The following LY86 variants were observed in gnomAD, a reference collection of about 807,000 sequenced individuals.
LY86 encodes MD-1, RP105-associated.
In LY86, 20 loss-of-function variants were observed where a neutral mutation model predicts 17.3. That is an observed-to-expected ratio of 1.15 (90% CI 0.81 to 1.68). The LOEUF is 1.68. Ranked by LOEUF, LY86 falls within the 40% of genes most tolerant of loss-of-function variation. The pLI is 0.00. For synonymous variants in LY86, 74 were observed against 70.6 expected (o/e 1.05, Z -0.24); for missense variants, 200 against 191.9 (o/e 1.04, Z -0.25).
At chr6:6,623,145 A>G (rs536370401) in intron 1 of LY86, among the ~76,000 whole-genome samples, 2 of 152,360 alleles carry the variant, frequency 1.3e-5, no homozygotes, top group East Asian at 3.9e-4. Flanking sequence ...AATTTGATAT[A>G]GGAAGTTGGT....
At chr6:6,649,484 G>GTGGTCGCCGTATCATT in intron 3 of LY86, 141 bp from the exon 4 acceptor site, 4 of 593,158 alleles carry the variant, frequency 6.7e-6, no homozygotes, top group Non-Finnish European at 1.2e-5. Context: ...TGTAGATCAG[G>GTGGTCGCCGTATCATT]AAATGAAAAC....
intron 1 of LY86, among the ~76,000 whole-genome samples, chr6:6,589,100 AAG>A (rs531548311): frequency 6.6e-6 from 1 of 152,212 alleles, no homozygotes; most frequent in Non-Finnish European, 1.5e-5. Context: ...GAGTACAAGA[AAG>A]AGAAATTGAA....
At chr6:6,631,841 A>G (rs1323034758) in intron 3 of LY86, among the ~76,000 whole-genome samples, 1 of 152,234 alleles carries the variant, frequency 6.6e-6, no homozygotes, top group Non-Finnish European at 1.5e-5. Context: ...AGGTATGTCT[A>G]TATCTGCTGC....
chr6:6,644,834 T>C (rs1398176987), intron 3 of LY86, among the ~76,000 whole-genome samples: 1 of 152,098 alleles, frequency 6.6e-6, no homozygotes, highest in African/African-American at 2.4e-5. Context: ...ATTAAAGGAA[T>C]CTCAGAATTG....
intron 1 of LY86, among the ~76,000 whole-genome samples, chr6:6,607,173 C>T (rs146986211): frequency 2.0e-5 from 3 of 152,308 alleles, no homozygotes; most frequent in South Asian, 2.1e-4. Flanking sequence ...TTGACCTGGT[C>T]TTTTTCAGGG....
intron 1 of LY86, among the ~76,000 whole-genome samples, chr6:6,614,563 C>G (rs1216802034): frequency 6.6e-6 from 1 of 152,108 alleles, no homozygotes; most frequent in Non-Finnish European, 1.5e-5. Context: ...GCTGTTCTTC[C>G]ACGTTCTTCT....
Position 6,630,746 on chromosome 6 carries a change from C to T in LY86, c.352+4325C>T, listed in dbSNP as rs143226398. On this transcript the variant is annotated intron_variant, in intron 3 of 4. Transcript: ENST00000230568. ...GGTCTCCATCTTGGTCGCACATTAA[C>T]TGCTCCTGTGCTTTCTGAAGCAATG... Among the ~76,000 whole-genome samples, 1,066 of 152,312 alleles carry T rather than the reference C, an allele frequency of 7.0e-3. 11 individuals carry two copies. The highest frequency in any genetic ancestry group is 0.024 in the African/African-American group (1,008 of 41,566).
At chr6:6,620,692 C>G (rs1023285897) in intron 1 of LY86, among the ~76,000 whole-genome samples, 1 of 152,248 alleles carries the variant, frequency 6.6e-6, no homozygotes, top group Non-Finnish European at 1.5e-5. Flanking sequence ...GTCCTCCCCT[C>G]GACAGCTGCC....
intron 1 of LY86, among the ~76,000 whole-genome samples, chr6:6,601,764 G>A (rs1360977756): frequency 6.6e-6 from 1 of 151,916 alleles, no homozygotes; most frequent in Non-Finnish European, 1.5e-5. Context: ...AAAGCAGAAG[G>A]GACCATGGTG....
intron 1 of LY86, among the ~76,000 whole-genome samples, chr6:6,594,220 T>C (rs1404786876): frequency 6.6e-6 from 1 of 152,198 alleles, no homozygotes; most frequent in African/African-American, 2.4e-5. Context: ...CTCCTAGAAG[T>C]TGTGTAAGGC....
At chr6:6,617,887 T>A (rs934069634) in intron 1 of LY86, among the ~76,000 whole-genome samples, 1 of 152,234 alleles carries the variant, frequency 6.6e-6, no homozygotes, top group Non-Finnish European at 1.5e-5. Flanking sequence ...GTCGCTCAGG[T>A]TGGAGTGCAG....
At chr6:6,638,686 TTAGGGTACATGTGCACAA>T (rs1761995016) in intron 3 of LY86, among the ~76,000 whole-genome samples, 1 of 152,148 alleles carries the variant, frequency 6.6e-6, no homozygotes, top group East Asian at 1.9e-4. Flanking sequence ...ACTTTAAGTT[TTAGGGTACATGTGCACAA>T]TGTGCAGGCT....
At chr6:6,605,978 C>T (rs1034678718) in intron 1 of LY86, among the ~76,000 whole-genome samples, 11 of 152,240 alleles carry the variant, frequency 7.2e-5, no homozygotes, top group Admixed American at 3.9e-4. Flanking sequence ...CAAAGAGCGA[C>T]CACCAGCAAA....
intron 1 of LY86, among the ~76,000 whole-genome samples, chr6:6,605,783 TCA>T (rs1315155704): frequency 1.3e-5 from 2 of 152,198 alleles, no homozygotes; most frequent in Non-Finnish European, 2.9e-5. Flanking sequence ...TGGGATGTGT[TCA>T]GTTTCTTCCT....
At chr6:6,625,331 A>G (rs563151416) in intron 2 of LY86, among the ~76,000 whole-genome samples, 9 of 152,342 alleles carry the variant, frequency 5.9e-5, no homozygotes, top group African/African-American at 2.2e-4. Flanking sequence ...ATGTCTACTC[A>G]GGATCTCCTA....
At chr6:6,602,771 G>C (rs1384365369) in intron 1 of LY86, among the ~76,000 whole-genome samples, 1 of 152,152 alleles carries the variant, frequency 6.6e-6, no homozygotes, top group Non-Finnish European at 1.5e-5. Flanking sequence ...GTTATTTGTT[G>C]AGAGCTGTTC....
intron 3 of LY86, among the ~76,000 whole-genome samples, chr6:6,631,311 G>A (rs1224858840): frequency 6.6e-6 from 1 of 152,142 alleles, no homozygotes; most frequent in Non-Finnish European, 1.5e-5. Context: ...CTTACCCAAG[G>A]TCACAAAGCC....
intron 1 of LY86, among the ~76,000 whole-genome samples, chr6:6,605,030 G>GA: frequency 7.5e-6 from 1 of 133,066 alleles, no homozygotes; most frequent in East Asian, 3.7e-4. Context: ...AAAGACTTTG[G>GA]AGAAAAAAAA....
chr6:6,652,404 C>T (rs1430026464), intron 4 of LY86, among the ~76,000 whole-genome samples: 1 of 152,190 alleles, frequency 6.6e-6, no homozygotes, highest in African/African-American at 2.4e-5. Context: ...CAGAGATGGG[C>T]TCTGGGCTAA....
Sources: gnomAD v4.1 joint callset for allele counts (sites outside exome capture counted in the v4.1 genomes callset) on GRCh38, gnomAD v4.1.1 for gene constraint, MANE v1.5 for transcripts, NCBI Gene and HGNC (gene_info 2026-07-23, HGNC 2026-07-21) for gene names.